The following KCTD8 variants were observed in gnomAD, a reference collection of about 807,000 sequenced individuals.
The protein encoded by KCTD8 is potassium channel tetramerization domain containing 8.
KCTD8 carries 27 observed loss-of-function variants against 31.5 expected under a neutral mutation model. The observed-to-expected ratio is 0.86, with a 90% confidence interval of 0.63 to 1.18. The LOEUF is 1.18. Ranked by LOEUF, KCTD8 falls within the 50% of genes most tolerant of loss-of-function variation. KCTD8 has a pLI of 0.00. For synonymous variants in KCTD8, 290 were observed against 280.0 expected (o/e 1.04, Z -0.36); for missense variants, 658 against 647.7 (o/e 1.02, Z -0.17).
At chr4:44,421,360 C>CT (rs779789023) in intron 1 of KCTD8, among the ~76,000 whole-genome samples, 27 of 151,938 alleles carry the variant, frequency 1.8e-4, no homozygotes, top group Non-Finnish European at 3.4e-4. Flanking sequence ...TGACCTCATA[C>CT]TTTAAGTGTT....
At position 44,320,186 on chromosome 4, in the gene KCTD8, A is replaced by AT. The variant is rs1282201986; in HGVS notation, c.961+127376_961+127377insA. Among the ~76,000 whole-genome samples, 680 of 149,040 alleles carry AT rather than the reference A, an allele frequency of 4.6e-3. 9 individuals carry two copies. Among genetic ancestry groups the AT allele is most frequent in the Middle Eastern group, 0.021 (6 of 282 alleles). ...CCTCCATCTCAAAAAAAAAAAAAAA[A>AT]AAAAAAAAAAAAAGAGAGAGAGAAT... On this transcript the variant is annotated intron_variant, in intron 1 of 1. Coordinates refer to ENST00000360029, the MANE Select transcript of KCTD8 (RefSeq NM_198353.3).
intron 1 of KCTD8, among the ~76,000 whole-genome samples, chr4:44,408,161 T>A (rs989873836): frequency 1.3e-5 from 2 of 152,170 alleles, no homozygotes; most frequent in Non-Finnish European, 2.9e-5. Flanking sequence ...CTTCATTACC[T>A]GCAATACAGG....
At chr4:44,192,597 C>T (rs1713798083) in intron 1 of KCTD8, among the ~76,000 whole-genome samples, 1 of 151,986 alleles carries the variant, frequency 6.6e-6, no homozygotes, top group Non-Finnish European at 1.5e-5. Flanking sequence ...TCATACCATC[C>T]TTCAGCAACA....
At chr4:44,348,955 C>A (rs576914208) in intron 1 of KCTD8, among the ~76,000 whole-genome samples, 2 of 152,198 alleles carry the variant, frequency 1.3e-5, no homozygotes, top group African/African-American at 4.8e-5. Context: ...TCAAATACAT[C>A]TTTTTAGATA....
intron 1 of KCTD8, among the ~76,000 whole-genome samples, chr4:44,219,606 G>T (rs1436277135): frequency 6.6e-6 from 1 of 152,146 alleles, no homozygotes. Context: ...TGAAGCTAGG[G>T]ATGATTCTAC....
Position 44,448,650 on chromosome 4 carries a change from C to A in KCTD8, c.-127G>T, listed in dbSNP as rs537350966. ...GGACTGGGCGGCGCGTTCCTCCGAC[C>A]GGGGCGGCCCCGCTCAGGGTTCGGG... On this transcript the variant is annotated 5_prime_UTR_variant, in exon 1 of 2. Transcript: ENST00000360029. This position sits in a 1 kb window ranked among gnomAD's most constrained non-coding sequence, Gnocchi z 4.1. 2.8e-6 allele frequency: 3 copies of A among 1,055,446 alleles called. No homozygotes were observed. Among genetic ancestry groups the A allele is most frequent in the South Asian group, 4.0e-5 (1 of 25,018 alleles). 65.4% of individuals were successfully genotyped at this position (1,055,446 alleles called of 1,614,324 possible).
chr4:44,297,945 CT>C (rs1050488210), intron 1 of KCTD8, among the ~76,000 whole-genome samples: 15 of 152,136 alleles, frequency 9.9e-5, no homozygotes, highest in Admixed American at 4.6e-4. Flanking sequence ...GATCAACATC[CT>C]TTTCATTGTA....
chr4:44,177,459 C>T (rs1310819966), intron 1 of KCTD8, among the ~76,000 whole-genome samples: 2 of 152,072 alleles, frequency 1.3e-5, no homozygotes, highest in Admixed American at 6.6e-5. Flanking sequence ...GTGTCCCCAC[C>T]CAAATATCAT....
At position 44,303,525 on chromosome 4, in the gene KCTD8, C is replaced by T. The variant is rs115135605; in HGVS notation, c.962-128275G>A. ...TTTGCTTAGAGGTGTAATAAGAACT[C>T]TTAAATAAGGCCAGGCATGGTGGCT... On this transcript the variant is annotated intron_variant, in intron 1 of 1. Transcript: ENST00000360029. 5.4e-3 allele frequency among the ~76,000 whole-genome samples: 818 copies of T among 152,108 alleles called. 14 individuals are homozygous for T. Among genetic ancestry groups the T allele is most frequent in the African/African-American group, 0.018 (761 of 41,462 alleles).
At chr4:44,295,313 G>T (rs1717396198) in intron 1 of KCTD8, among the ~76,000 whole-genome samples, 1 of 151,912 alleles carries the variant, frequency 6.6e-6, no homozygotes, top group Non-Finnish European at 1.5e-5. Flanking sequence ...AAAATAAAAA[G>T]ACAGAAAAAC....
chr4:44,187,870 G>T (rs1040442946), intron 1 of KCTD8, among the ~76,000 whole-genome samples: 1 of 151,728 alleles, frequency 6.6e-6, no homozygotes, highest in Non-Finnish European at 1.5e-5. Context: ...AATTATTGTC[G>T]CCTGTTATGC....
intron 1 of KCTD8, among the ~76,000 whole-genome samples, chr4:44,251,625 T>C (rs1468531316): frequency 6.6e-6 from 1 of 151,552 alleles, no homozygotes; most frequent in Non-Finnish European, 1.5e-5. Context: ...ATTGCTGGCA[T>C]TTGTGAAAGC....
intron 1 of KCTD8, among the ~76,000 whole-genome samples, chr4:44,307,724 T>C (rs1717842828): frequency 6.6e-6 from 1 of 152,012 alleles, no homozygotes; most frequent in Admixed American, 6.6e-5. Flanking sequence ...TATTAGCCTA[T>C]GGTTTTCATT....
chr4:44,317,538 C>CTA (rs1441171199), intron 1 of KCTD8, among the ~76,000 whole-genome samples: 5 of 141,074 alleles, frequency 3.5e-5, no homozygotes, highest in African/African-American at 1.6e-4. Context: ...CGCGCCCGGC[C>CTA]CGGGTGCTTT....
intron 1 of KCTD8, among the ~76,000 whole-genome samples, chr4:44,268,316 A>G (rs1435577844): frequency 6.6e-6 from 1 of 151,728 alleles, no homozygotes; most frequent in Non-Finnish European, 1.5e-5. Flanking sequence ...CAATAGATGC[A>G]GAAAAGGCCT....
chr4:44,355,497 A>G (rs1463303343), intron 1 of KCTD8, among the ~76,000 whole-genome samples: 2 of 152,158 alleles, frequency 1.3e-5, no homozygotes, highest in East Asian at 3.9e-4. Flanking sequence ...AAACTAAATT[A>G]ACTAATCAAC....
intron 1 of KCTD8, among the ~76,000 whole-genome samples, chr4:44,366,327 C>G (rs1399048139): frequency 6.6e-6 from 1 of 152,098 alleles, no homozygotes; most frequent in Admixed American, 6.6e-5. Flanking sequence ...GGAGGTAGGA[C>G]TTGGTCATGG....
At chr4:44,392,861 C>A (rs563268266) in intron 1 of KCTD8, among the ~76,000 whole-genome samples, 1 of 152,058 alleles carries the variant, frequency 6.6e-6, no homozygotes, top group Non-Finnish European at 1.5e-5. Flanking sequence ...TAGCTCTGTA[C>A]AGCTGAAAAA....
intron 1 of KCTD8, among the ~76,000 whole-genome samples, chr4:44,403,476 T>C (rs1720713991): frequency 6.6e-6 from 1 of 151,594 alleles, no homozygotes; most frequent in Non-Finnish European, 1.5e-5. Context: ...AAAAATTTAA[T>C]TTCTCACAGT....
Sources: allele counts gnomAD v4.1 joint callset (sites outside exome capture counted in the v4.1 genomes callset), GRCh38; gene constraint gnomAD v4.1.1; non-coding constraint Gnocchi (gnomAD v3.1); transcripts MANE v1.5; gene names NCBI Gene and HGNC (gene_info 2026-07-23, HGNC 2026-07-21).